Variants in LRRC4C observed in about 807,000 individuals in gnomAD.
LRRC4C encodes the protein leucine rich repeat containing 4C.
Under a neutral mutation model 33.6 loss-of-function variants are expected in LRRC4C, and 5 were observed. That is an observed-to-expected ratio of 0.15 (90% CI 0.08 to 0.31). LRRC4C has a LOEUF of 0.31. Ranked by LOEUF, LRRC4C falls within the 10% of genes least tolerant of loss-of-function variation. The pLI is 1.00. For synonymous variants in LRRC4C, 329 were observed against 302.0 expected, an observed-to-expected ratio of 1.09 and a Z score of -0.93; for missense variants, 560 against 796.7, an observed-to-expected ratio of 0.70 and a Z score of 3.58.
intron 2 of LRRC4C, among the ~76,000 whole-genome samples, chr11:40,779,038 A>G (rs1950117868): frequency 6.6e-6 from 1 of 152,238 alleles, no homozygotes; most frequent in African/African-American, 2.4e-5. Context: ...AAGATTCAGC[A>G]GTAGTCACAG....
chr11:41,126,494 A>G (rs1942748713), intron 1 of LRRC4C, among the ~76,000 whole-genome samples: 1 of 151,956 alleles, frequency 6.6e-6, no homozygotes, highest in South Asian at 2.1e-4. Context: ...GTCTCACCAG[A>G]AAGTCAAAAT....
At position 40,354,160 on chromosome 11, in the gene LRRC4C, C is replaced by T. The variant is rs1466601851; in HGVS notation, c.-269-34439G>A. ...CTTCAATAAGATCCATGAGAATTCC[C>T]TGAATTATGAGGCAGAGACTTTTGT... is the stretch of plus-strand genomic sequence containing the variant. On this transcript the variant is annotated intron_variant, in intron 3 of 6. Transcript: ENST00000528697. Among the ~76,000 whole-genome samples the T allele has an allele frequency of 2.0e-5, 3 of 152,302 alleles. No individual in the cohort carries two copies. In the East Asian group the frequency reaches 5.8e-4, roughly 30 times the overall value.
At chr11:40,879,548 G>A (rs1955068482) in intron 2 of LRRC4C, among the ~76,000 whole-genome samples, 1 of 152,088 alleles carries the variant, frequency 6.6e-6, no homozygotes, top group African/African-American at 2.4e-5. Context: ...CACAATCAAG[G>A]AAGAAGGAGA....
intron 1 of LRRC4C, among the ~76,000 whole-genome samples, chr11:40,965,747 G>T (rs113762910): frequency 0.064 from 9,747 of 151,904 alleles, 436 homozygotes; most frequent in South Asian, 0.18. Context: ...TTGGTACCAG[G>T]ACCATGCTGT....
chr11:41,189,407 G>A (rs1212531967), intron 1 of LRRC4C, among the ~76,000 whole-genome samples: 1 of 152,106 alleles, frequency 6.6e-6, no homozygotes, highest in Non-Finnish European at 1.5e-5. Context: ...CAAGAGAAGG[G>A]CAATGTGACT....
At chr11:41,187,728 C>A (rs1176940705) in intron 1 of LRRC4C, among the ~76,000 whole-genome samples, 3 of 152,218 alleles carry the variant, frequency 2.0e-5, no homozygotes, top group African/African-American at 7.2e-5. Flanking sequence ...AAAGAGCACC[C>A]TGTAACTTGC....
At chr11:40,399,658 C>T (rs1032258384) in intron 3 of LRRC4C, among the ~76,000 whole-genome samples, 60 of 151,788 alleles carry the variant, frequency 4.0e-4, no homozygotes, top group African/African-American at 1.4e-3. Flanking sequence ...CATTGTGCAC[C>T]TGTACCCTAA....
At chr11:40,184,606 C>T (rs1452856834) in intron 5 of LRRC4C, among the ~76,000 whole-genome samples, 2 of 152,036 alleles carry the variant, frequency 1.3e-5, no homozygotes, top group African/African-American at 4.8e-5. Context: ...AACAGTACTC[C>T]GAGTGGCGAA....
At chr11:40,587,644 C>T (rs1256102426) in intron 3 of LRRC4C, among the ~76,000 whole-genome samples, 34 of 151,094 alleles carry the variant, frequency 2.3e-4, no homozygotes, top group African/African-American at 5.4e-4. Context: ...TTTTGAAATA[C>T]GTCCCATCAA....
intron 2 of LRRC4C, 54 bp from the exon 3 acceptor site, chr11:40,648,332 T>G (rs1311571324): frequency 1.3e-5 from 2 of 152,138 alleles, no homozygotes; most frequent in Non-Finnish European, 2.9e-5. Flanking sequence ...GGTCAATAAA[T>G]GCTGGTAGAT....
At chr11:40,893,182 C>T (rs1000307247) in intron 2 of LRRC4C, among the ~76,000 whole-genome samples, 1 of 151,954 alleles carries the variant, frequency 6.6e-6, no homozygotes, top group East Asian at 1.9e-4. Context: ...TTTAAAAACT[C>T]ATGAAGATAG....
intron 1 of LRRC4C, among the ~76,000 whole-genome samples, chr11:41,446,661 A>G (rs774312525): frequency 2.6e-5 from 4 of 152,174 alleles, no homozygotes; most frequent in Non-Finnish European, 5.9e-5. Flanking sequence ...TATTTCTTCC[A>G]CATTCCATCA....
rs61502219 is a variant in LRRC4C at position 40,200,801 on chromosome 11, A to AAAGAC, written c.-96+40717_-96+40718insGTCTT. ...AAAAAAAAAAAAAGAAAAGAAAAGAAAAAAAATTCTAGTTTTTCAAGCAGT... is the reference window on the plus strand; with the variant it reads ...AAAAAAAAAAAAAGAAAAGAAAAGAAAAGACAAAAAATTCTAGTTTTTCAAGCAGT... On this transcript the variant is annotated intron_variant, in intron 5 of 6. Transcript: ENST00000528697. 3.8e-3 allele frequency among the ~76,000 whole-genome samples: 573 copies of AAAGAC among 151,550 alleles called. 4 individuals are homozygous for AAAGAC. The highest frequency in any genetic ancestry group is 0.013 in the African/African-American group (553 of 41,194).
chr11:40,780,489 A>G (rs551635212), intron 2 of LRRC4C, among the ~76,000 whole-genome samples: 1 of 152,318 alleles, frequency 6.6e-6, no homozygotes, highest in South Asian at 2.1e-4. Flanking sequence ...GTAATTTCCT[A>G]AAAGAAGAGT....
intron 1 of LRRC4C, among the ~76,000 whole-genome samples, chr11:40,997,831 T>C (rs1176983261): frequency 1.3e-5 from 2 of 152,130 alleles, no homozygotes; most frequent in East Asian, 1.9e-4. Flanking sequence ...TGTATATTAA[T>C]ATACAAACTT....
intron 1 of LRRC4C, among the ~76,000 whole-genome samples, chr11:41,366,432 G>A (rs1024317726): frequency 2.0e-5 from 3 of 152,016 alleles, no homozygotes; most frequent in Non-Finnish European, 4.4e-5. Context: ...TGATATTTAT[G>A]TTCTAGTAAC....
intron 2 of LRRC4C, among the ~76,000 whole-genome samples, chr11:40,875,928 G>A (rs1470873209): frequency 6.6e-6 from 1 of 152,038 alleles, no homozygotes; most frequent in African/African-American, 2.4e-5. Context: ...TCCCATCTAG[G>A]GGCGGTGGCA....
chr11:40,287,566 C>T (rs1161938841), intron 4 of LRRC4C, among the ~76,000 whole-genome samples: 1 of 152,078 alleles, frequency 6.6e-6, no homozygotes, highest in African/African-American at 2.4e-5. Context: ...GTCTCAGCCA[C>T]AAGATCAGCC....
intron 5 of LRRC4C, among the ~76,000 whole-genome samples, chr11:40,221,542 G>C (rs1425609268): frequency 6.6e-6 from 1 of 152,072 alleles, no homozygotes; most frequent in East Asian, 1.9e-4. Context: ...ATTTAGCCAG[G>C]TATAATACTA....
Sources: gnomAD v4.1 joint callset for allele counts (sites outside exome capture counted in the v4.1 genomes callset) on GRCh38, gnomAD v4.1.1 for gene constraint, MANE v1.5 for transcripts, NCBI Gene and HGNC (gene_info 2026-07-23, HGNC 2026-07-21) for gene names.